The following MKLN1 variants were observed in gnomAD, a reference collection of about 807,000 sequenced individuals.
The protein encoded by MKLN1 is muskelin.
Under a neutral mutation model 99.0 loss-of-function variants are expected in MKLN1, and 18 were observed. The observed-to-expected ratio is 0.18, with a 90% confidence interval of 0.13 to 0.27. The LOEUF is 0.27. Among genes scored for constraint, MKLN1 ranks in the 10% least tolerant of loss-of-function variants. The pLI, the probability that MKLN1 is intolerant of heterozygous loss-of-function variation, is 1.00. For missense variants in MKLN1, 621 were observed against 875.9 expected (o/e 0.71, Z 3.67); for synonymous variants, 288 against 293.2 (o/e 0.98, Z 0.18).
upstream of MKLN1, chr7:131,327,238 A>G (rs1798911478): frequency 6.6e-6 from 1 of 152,252 alleles, no homozygotes; most frequent in Non-Finnish European, 1.5e-5. Flanking sequence ...CTGTGGGTGA[A>G]CGTCATTCCC....
At chr7:131,204,464 T>C (rs973809421) in intron 3 of MKLN1, among the ~76,000 whole-genome samples, 4 of 152,192 alleles carry the variant, frequency 2.6e-5, no homozygotes, top group Non-Finnish European at 5.9e-5. Context: ...AAAAAAATCC[T>C]TATATTTGAC....
At chr7:131,218,342 G>A (rs1051351102) in intron 3 of MKLN1, among the ~76,000 whole-genome samples, 1 of 152,206 alleles carries the variant, frequency 6.6e-6, no homozygotes, top group African/African-American at 2.4e-5. Context: ...GTTTAATTAT[G>A]TGTATATCTT....
chr7:131,255,609 C>T (rs188787775), intron 3 of MKLN1, among the ~76,000 whole-genome samples: 42 of 152,076 alleles, frequency 2.8e-4, no homozygotes, highest in Admixed American at 8.5e-4. Flanking sequence ...GATGTAGTCT[C>T]GCTCTGTTGC....
At chr7:131,228,655 A>G (rs978715021) in intron 3 of MKLN1, among the ~76,000 whole-genome samples, 4 of 152,356 alleles carry the variant, frequency 2.6e-5, no homozygotes, top group Middle Eastern at 3.4e-3. Context: ...CAAGTAAAGA[A>G]CCAGACATAG....
intron 6 of MKLN1, among the ~76,000 whole-genome samples, chr7:131,409,390 G>T (rs1794805040): frequency 1.3e-5 from 2 of 152,172 alleles, no homozygotes; most frequent in Non-Finnish European, 2.9e-5. Flanking sequence ...TTAAAACAAG[G>T]TAGTAAAAGC....
intron 4 of MKLN1, among the ~76,000 whole-genome samples, chr7:131,390,399 G>A (rs1224850125): frequency 6.6e-6 from 1 of 152,030 alleles, no homozygotes; most frequent in Non-Finnish European, 1.5e-5. Context: ...CCTTTGCATA[G>A]CTTTAACAAT....
chr7:131,234,728 C>T (rs1285674087), intron 3 of MKLN1, among the ~76,000 whole-genome samples: 1 of 152,172 alleles, frequency 6.6e-6, no homozygotes, highest in Non-Finnish European at 1.5e-5. Flanking sequence ...CATCACTTTC[C>T]CTGGAGATCC....
At chr7:131,409,306 T>C (rs946567021) in intron 6 of MKLN1, among the ~76,000 whole-genome samples, 1 of 152,168 alleles carries the variant, frequency 6.6e-6, no homozygotes, top group Non-Finnish European at 1.5e-5. Flanking sequence ...ATAGGGAGCA[T>C]GGAGATTATT....
intron 1 of MKLN1, among the ~76,000 whole-genome samples, chr7:131,362,489 A>G (rs1800059182): frequency 6.6e-6 from 1 of 152,082 alleles, no homozygotes; most frequent in Non-Finnish European, 1.5e-5. Flanking sequence ...TTGTACTAGG[A>G]ATATTGAGTT....
chr7:131,174,692 A>G (rs1027128361), intron 2 of MKLN1, among the ~76,000 whole-genome samples: 1 of 152,236 alleles, frequency 6.6e-6, no homozygotes, highest in Non-Finnish European at 1.5e-5. Flanking sequence ...GGAATAAAAA[A>G]TGATCCTTTA....
At chr7:131,458,653 T>A (rs1203049012) in intron 12 of MKLN1, among the ~76,000 whole-genome samples, 1 of 152,166 alleles carries the variant, frequency 6.6e-6, no homozygotes, top group East Asian at 1.9e-4. Context: ...TCATGCCATC[T>A]TCTTTCTTGG....
At chr7:131,371,595 G>A (rs556621602) in intron 1 of MKLN1, among the ~76,000 whole-genome samples, 1 of 152,164 alleles carries the variant, frequency 6.6e-6, no homozygotes, top group East Asian at 1.9e-4. Flanking sequence ...TATTGCAACT[G>A]TTTGGCCCCC....
At chr7:131,162,500 G>A (rs1463984453) in intron 2 of MKLN1, among the ~76,000 whole-genome samples, 2 of 152,036 alleles carry the variant, frequency 1.3e-5, no homozygotes, top group African/African-American at 2.4e-5. Flanking sequence ...TGACACCTTT[G>A]GTTTCTGATC....
At chr7:131,454,431 A>G (rs959514956) in intron 12 of MKLN1, among the ~76,000 whole-genome samples, 1 of 152,240 alleles carries the variant, frequency 6.6e-6, no homozygotes, top group Non-Finnish European at 1.5e-5. Context: ...GAAAGATTCA[A>G]GTAAAATAAT....
intron 3 of MKLN1, among the ~76,000 whole-genome samples, chr7:131,217,555 A>C (rs924808239): frequency 6.6e-6 from 1 of 152,030 alleles, no homozygotes; most frequent in African/African-American, 2.4e-5. Context: ...AAAATTAACC[A>C]GGTGTGGTTG....
intron 2 of MKLN1, among the ~76,000 whole-genome samples, chr7:131,178,980 A>AG (rs1796340481): frequency 6.6e-6 from 1 of 151,916 alleles, no homozygotes. Flanking sequence ...CCCTTTCCTT[A>AG]GACTTACTGG....
intron 2 of MKLN1, among the ~76,000 whole-genome samples, chr7:131,195,449 T>C (rs1337114699): frequency 6.6e-6 from 1 of 151,244 alleles, no homozygotes; most frequent in Non-Finnish European, 1.5e-5. Flanking sequence ...AGGTGGAGGT[T>C]GCAACGAGCC....
At chr7:131,458,719 A>C (rs79912642) in intron 12 of MKLN1, among the ~76,000 whole-genome samples, 5,414 of 152,080 alleles carry the variant, frequency 0.036, 151 homozygotes, top group Middle Eastern at 0.085. Flanking sequence ...ATACATATAT[A>C]TATATATGTA....
chr7:131,466,434 G>A lies in MKLN1; in HGVS notation c.1928+19G>A, dbSNP rs1796662608. ...AACACAGGTATGAAAATAATTCACT[G>A]AAAACATTTAATTAACATTATCAGC... On this transcript the variant is annotated intron_variant, in intron 15 of 17. Coordinates refer to ENST00000352689, the MANE Select transcript of MKLN1 (RefSeq NM_013255.5). The A allele has an allele frequency of 2.0e-6, 3 of 1,507,868 alleles. No individual in the cohort carries two copies. Among genetic ancestry groups the A allele is most frequent in the African/African-American group, 1.4e-5 (1 of 72,416 alleles). 93.4% of individuals were successfully genotyped at this position (1,507,868 alleles called of 1,614,324 possible).
Sources: gnomAD v4.1 joint callset for allele counts (sites outside exome capture counted in the v4.1 genomes callset) on GRCh38, gnomAD v4.1.1 for gene constraint, MANE v1.5 for transcripts, NCBI Gene and HGNC (gene_info 2026-07-23, HGNC 2026-07-21) for gene names.